ADAMTSL1: variants seen among roughly 807,000 people sequenced by gnomAD.
ADAMTSL1 encodes the protein ADAMTS like 1, also known as ADAMTS-like protein 1.
Under a neutral mutation model 201.8 loss-of-function variants are expected in ADAMTSL1, and 126 were observed. That is an observed-to-expected ratio of 0.62 (90% confidence interval 0.54 to 0.72). The LOEUF is 0.72. Ranked by LOEUF, ADAMTSL1 falls within the 30% of genes least tolerant of loss-of-function variation. The pLI is 0.00. For missense variants in ADAMTSL1, 2,679 were observed against 2,277.8 expected (o/e 1.18, Z -3.59); for synonymous variants, 1,121 against 903.4 (o/e 1.24, Z -4.32).
Position 18,418,283 on chromosome 9 carries a change from C to T in ADAMTSL1, c.208-86546C>T, listed in dbSNP as rs111686603. Among the ~76,000 whole-genome samples, 1,188 of 152,242 alleles carry T rather than the reference C, an allele frequency of 7.8e-3. 16 individuals carry two copies. Among genetic ancestry groups the T allele is most frequent in the African/African-American group, 0.026 (1,098 of 41,550 alleles). ...ATCAAACTTAGTGCGAAAGACTGAA[C>T]GTTTCCCCCCCGGCACTGGGGAAGG... On this transcript the variant is annotated intron_variant, in intron 2 of 29. Transcript: ENST00000680146.
intron 1 of ADAMTSL1, among the ~76,000 whole-genome samples, chr9:17,996,831 C>T (rs1399786029): frequency 7.2e-5 from 11 of 152,012 alleles, no homozygotes; most frequent in African/African-American, 2.7e-4. Flanking sequence ...CAGTGTAAGC[C>T]CACTGGGGCA....
chr9:18,525,996 C>G (rs947297347), intron 2 of ADAMTSL1, among the ~76,000 whole-genome samples: 1 of 152,118 alleles, frequency 6.6e-6, no homozygotes. Flanking sequence ...TCCTGGATAA[C>G]CTTTTTAACT....
At chr9:17,965,251 A>T (rs1169306578) in intron 1 of ADAMTSL1, among the ~76,000 whole-genome samples, 2 of 152,198 alleles carry the variant, frequency 1.3e-5, no homozygotes, top group Non-Finnish European at 2.9e-5. Flanking sequence ...GGGAGAAAAT[A>T]GTTTTATACC....
At chr9:18,031,779 G>A (rs1820967098) in intron 1 of ADAMTSL1, among the ~76,000 whole-genome samples, 1 of 152,184 alleles carries the variant, frequency 6.6e-6, no homozygotes, top group Admixed American at 6.5e-5. Context: ...CTGAGCCAAA[G>A]GTTAGATTGC....
intron 1 of ADAMTSL1, among the ~76,000 whole-genome samples, chr9:18,134,732 T>A (rs1826088000): frequency 6.6e-6 from 1 of 152,226 alleles, no homozygotes; most frequent in South Asian, 2.1e-4. Context: ...GGGAGATGAA[T>A]TCACTGGAGA....
chr9:18,164,901 C>T (rs1264828143), intron 2 of ADAMTSL1, among the ~76,000 whole-genome samples: 1 of 151,882 alleles, frequency 6.6e-6, no homozygotes, highest in Admixed American at 6.6e-5. Context: ...ATTCACAAGG[C>T]ACTTCTTATT....
In ADAMTSL1 at chr9:18,892,696, C is replaced by G. The variant is rs573642768; in HGVS notation, c.4851+100C>G. ...GCTATCACTGCCACTGCCACCTCCT[C>G]CTTTCACATTCTGATTGGCCAGGCA... On this transcript the variant is annotated intron_variant, in intron 26 of 28. Coordinates refer to ENST00000380548, the MANE Select transcript of ADAMTSL1 (RefSeq NM_001040272.6). The G allele has an allele frequency of 8.9e-6, 12 of 1,341,866 alleles. No individual in the cohort carries two copies. The East Asian group carries it at 3.0e-4, about 34-fold the overall frequency. The allele number at this position is 1,341,866 out of a possible 1,614,324, so 83.1% of individuals were successfully genotyped here. A position where few individuals can be genotyped will look rare whatever the true frequency, so the allele number is the denominator to read the frequency against.
intron 4 of ADAMTSL1, among the ~76,000 whole-genome samples, chr9:18,579,466 G>T (rs1822956777): frequency 6.6e-6 from 1 of 150,802 alleles, no homozygotes. Flanking sequence ...TGCACAATGT[G>T]CACATGTACC....
At chr9:18,001,216 A>G (rs1256081494) in intron 1 of ADAMTSL1, among the ~76,000 whole-genome samples, 2 of 152,102 alleles carry the variant, frequency 1.3e-5, no homozygotes, top group Non-Finnish European at 2.9e-5. Flanking sequence ...AAGTGGTAGA[A>G]TTGAAGGTAA....
intron 2 of ADAMTSL1, among the ~76,000 whole-genome samples, chr9:18,310,311 G>T (rs1834080659): frequency 9.3e-6 from 1 of 107,980 alleles, no homozygotes; most frequent in Non-Finnish European, 1.8e-5. Context: ...CAAAGTAATG[G>T]CAACAAAAAA....
intron 1 of ADAMTSL1, among the ~76,000 whole-genome samples, chr9:18,046,550 G>T (rs1298792822): frequency 6.6e-6 from 1 of 152,108 alleles, no homozygotes; most frequent in Non-Finnish European, 1.5e-5. Flanking sequence ...TTCATTTGGT[G>T]ACCATGTGTC....
intron 1 of ADAMTSL1, among the ~76,000 whole-genome samples, chr9:17,967,919 G>A (rs1470716897): frequency 6.6e-6 from 1 of 152,086 alleles, no homozygotes; most frequent in East Asian, 1.9e-4. Flanking sequence ...TTTGCCAATA[G>A]ACAGGGTGTG....
chr9:18,743,032 T>C (rs1362035185), intron 15 of ADAMTSL1, among the ~76,000 whole-genome samples: 1 of 152,214 alleles, frequency 6.6e-6, no homozygotes, highest in Non-Finnish European at 1.5e-5. Flanking sequence ...TTGCAGATCA[T>C]CTACCCTACT....
At chr9:18,831,081 C>A (rs560585882) in intron 23 of ADAMTSL1, among the ~76,000 whole-genome samples, 1 of 152,178 alleles carries the variant, frequency 6.6e-6, no homozygotes, top group African/African-American at 2.4e-5. Flanking sequence ...AGAAACATGA[C>A]CCTCAATTTT....
chr9:17,985,701 C>A (rs367586724), intron 1 of ADAMTSL1, among the ~76,000 whole-genome samples: 2 of 152,076 alleles, frequency 1.3e-5, no homozygotes, highest in South Asian at 2.1e-4. Context: ...CTAAATATCA[C>A]ATGGGAAGCA....
chr9:18,042,095 GAAA>G (rs76542418), intron 1 of ADAMTSL1, among the ~76,000 whole-genome samples: 7 of 124,500 alleles, frequency 5.6e-5, no homozygotes, highest in Non-Finnish European at 7.1e-5. Context: ...TAATTGCTGG[GAAA>G]AAAAAAAAAA....
chr9:18,289,789 G>T (rs376968515), intron 2 of ADAMTSL1, among the ~76,000 whole-genome samples: 1 of 151,940 alleles, frequency 6.6e-6, no homozygotes, highest in African/African-American at 2.4e-5. Context: ...TTTAATATTC[G>T]GGCCAAAGTA....
intron 15 of ADAMTSL1, among the ~76,000 whole-genome samples, chr9:18,729,026 A>G (rs907999337): frequency 2.6e-5 from 4 of 152,242 alleles, no homozygotes; most frequent in Admixed American, 2.0e-4. Context: ...AAAAATAAAT[A>G]GTGTGCTCTG....
At chr9:18,821,217 A>G (rs1161829408) in intron 21 of ADAMTSL1, among the ~76,000 whole-genome samples, 2 of 152,198 alleles carry the variant, frequency 1.3e-5, no homozygotes, top group Admixed American at 1.3e-4. Context: ...GTAGACCCCC[A>G]AATGTATAAT....
Sources: gnomAD v4.1 joint callset for allele counts (sites outside exome capture counted in the v4.1 genomes callset) on GRCh38, gnomAD v4.1.1 for gene constraint, MANE v1.5 for transcripts, NCBI Gene and HGNC (gene_info 2026-07-23, HGNC 2026-07-21) for gene names.